The following ERMAP variants were observed in gnomAD, a reference collection of about 807,000 sequenced individuals.
ERMAP encodes the protein erythroblast membrane associated protein (Scianna blood group).
A neutral mutation model predicts 49.5 loss-of-function variants in ERMAP; 34 were observed. The observed-to-expected ratio is 0.69, with a 90% confidence interval of 0.52 to 0.91. The LOEUF (loss-of-function observed/expected upper bound fraction) is 0.91, where lower values mean the gene tolerates loss of function less well. Ranked by LOEUF, ERMAP falls within the 40% of genes least tolerant of loss-of-function variation. The pLI is 0.00. For synonymous variants in ERMAP, 214 were observed against 232.2 expected, an observed-to-expected ratio of 0.92 and a Z score of 0.71; for missense variants, 541 against 582.6, an observed-to-expected ratio of 0.93 and a Z score of 0.74.
At chr1:42,835,632 G>A in intron 5 of ERMAP, 100 bp from the exon 6 acceptor site, 4 of 1,488,270 alleles carry the variant, frequency 2.7e-6, no homozygotes, top group Non-Finnish European at 3.7e-6. Flanking sequence ...TAGTGACAAG[G>A]AGTCAGTCCT....
intron 1 of ERMAP, 145 bp downstream of exon 1, chr1:42,817,398 A>G (rs1490198810): frequency 4.9e-6 from 2 of 409,102 alleles, no homozygotes; most frequent in Non-Finnish European, 7.0e-6. Context: ...GCGTGCGCAG[A>G]GAGGATGGCT....
chr1:42,843,493 A>C lies in ERMAP; in HGVS notation c.*261A>C. The C allele has an allele frequency of 2.7e-6, 1 of 371,018 alleles. No individual in the cohort carries two copies. Among genetic ancestry groups the C allele is most frequent in the Admixed American group, 4.3e-5 (1 of 23,380 alleles). 23.0% of individuals were successfully genotyped at this position (371,018 alleles called of 1,614,324 possible). A position where few individuals can be genotyped will look rare whatever the true frequency, so the allele number is the denominator to read the frequency against. Reference sequence around the variant, plus strand: ...AGTTTAGGTGCAGGTGGAGATGTTGAATATGTGTTACCAAGATACAGCACA... The same window carrying C: ...AGTTTAGGTGCAGGTGGAGATGTTGCATATGTGTTACCAAGATACAGCACA... On this transcript the variant is annotated 3_prime_UTR_variant, in exon 12 of 12. Transcript: ENST00000372517.
At chr1:42,821,777 A>G (rs1373199022) in intron 1 of ERMAP, among the ~76,000 whole-genome samples, 2 of 152,128 alleles carry the variant, frequency 1.3e-5, no homozygotes, top group Non-Finnish European at 2.9e-5. Flanking sequence ...TTGGGAGGCC[A>G]AGGTGCGAGG....
intron 5 of ERMAP, 128 bp downstream of exon 5, chr1:42,835,282 G>A (rs1229029217): frequency 1.1e-5 from 7 of 665,926 alleles, no homozygotes; most frequent in Non-Finnish European, 1.6e-5. Flanking sequence ...AAGTTGGCTG[G>A]GAGAAAACTG....
intron 2 of ERMAP, among the ~76,000 whole-genome samples, chr1:42,829,404 C>A (rs531889822): frequency 6.6e-6 from 1 of 152,300 alleles, no homozygotes; most frequent in South Asian, 2.1e-4. Context: ...ATACAAAAGC[C>A]TCCTCTTTGG....
chr1:42,818,818 A>C (rs988370607), intron 1 of ERMAP, among the ~76,000 whole-genome samples: 1 of 152,204 alleles, frequency 6.6e-6, no homozygotes, highest in Non-Finnish European at 1.5e-5. Context: ...AATCAGAGGA[A>C]AGTACATTAA....
chr1:42,837,304 C>T (rs1265988335), intron 7 of ERMAP, 114 bp downstream of exon 7: 15 of 1,099,068 alleles, frequency 1.4e-5, no homozygotes, highest in Non-Finnish European at 2.0e-5. Flanking sequence ...TACACACATG[C>T]ACACATATAT....
chr1:42,840,417 C>T lies in ERMAP; in HGVS notation c.712+121C>T. ...TAATTTAAAAATTTTTAAATCAAATCTGTATATCTGACTATCAAATTAAAA... is the reference window on the plus strand; with the variant it reads ...TAATTTAAAAATTTTTAAATCAAATTTGTATATCTGACTATCAAATTAAAA... On this transcript the variant is annotated intron_variant, in intron 11 of 11. Transcript: ENST00000372517. 5 of 1,139,950 alleles carry T rather than the reference C, an allele frequency of 4.4e-6. No homozygotes were observed. In the South Asian group the frequency reaches 6.9e-5, roughly 16 times the overall value. 70.6% of individuals were successfully genotyped at this position (1,139,950 alleles called of 1,614,324 possible).
chr1:42,836,843 T>A (rs1308742882), intron 6 of ERMAP: 2 of 222,524 alleles, frequency 9.0e-6, no homozygotes, highest in East Asian at 9.0e-5. Context: ...GGCAGATTTT[T>A]AAAAAAAATC....
In ERMAP at chr1:42,843,239, G is replaced by A; in HGVS notation, c.*7G>A. The A allele has an allele frequency of 6.4e-7, 1 of 1,561,150 alleles. No homozygotes were observed. Among genetic ancestry groups the A allele is most frequent in the South Asian group, 1.2e-5 (1 of 81,620 alleles). Reference sequence around the variant, plus strand: ...CAAGGCTCCTTCTTTTTAGGGATATGCCACATTACCTGCTCCCATCACCAT... The same window carrying A: ...CAAGGCTCCTTCTTTTTAGGGATATACCACATTACCTGCTCCCATCACCAT... On this transcript the variant is annotated 3_prime_UTR_variant, in exon 12 of 12. Coordinates refer to ENST00000372517, the MANE Select transcript of ERMAP (RefSeq NM_001017922.2).
chr1:42,835,806 G>T, intron 6 of ERMAP, 42 bp downstream of exon 6: 1 of 1,589,144 alleles, frequency 6.3e-7, no homozygotes, highest in Non-Finnish European at 8.5e-7. Flanking sequence ...TGTTTCTTTT[G>T]TTGTTAATTT....
Position 42,819,208 on chromosome 1 carries a change from C to T in ERMAP, c.-122+1955C>T, listed in dbSNP as rs1872262. Among the ~76,000 whole-genome samples the T allele has an allele frequency of 0.02, 2,884 of 143,066 alleles. 56 individuals are homozygous for T. Among genetic ancestry groups the T allele is most frequent in the African/African-American group, 0.026 (1,049 of 39,850 alleles). The allele number at this position is 143,066 out of a possible 152,430, so 93.9% of individuals were successfully genotyped here. Reference sequence around the variant, plus strand: ...GTGTGTGTGTGTGTGTGTGTGTGTGCGCGCGCGCAAGAGAGGGACCGAGAG... The same window carrying T: ...GTGTGTGTGTGTGTGTGTGTGTGTGTGCGCGCGCAAGAGAGGGACCGAGAG... On this transcript the variant is annotated intron_variant, in intron 1 of 11. Transcript: ENST00000372517. This position sits in a 1 kb window ranked among gnomAD's most constrained non-coding sequence, Gnocchi z 5.1.
At chr1:42,818,036 C>T (rs1462633195) in intron 1 of ERMAP, among the ~76,000 whole-genome samples, 1 of 152,220 alleles carries the variant, frequency 6.6e-6, no homozygotes, top group Non-Finnish European at 1.5e-5. Context: ...CTTCTAAGTG[C>T]TGGAGCAAAT....
intron 2 of ERMAP, 86 bp from the exon 3 acceptor site, chr1:42,830,358 C>A: frequency 8.5e-7 from 1 of 1,174,092 alleles, no homozygotes; most frequent in Non-Finnish European, 1.3e-6. Flanking sequence ...ACCAGCAATA[C>A]CGTCTCGGCC....
intron 4 of ERMAP, among the ~76,000 whole-genome samples, chr1:42,831,575 C>G (rs867583434): frequency 1.2e-4 from 10 of 83,978 alleles, no homozygotes; most frequent in South Asian, 9.1e-4. Context: ...TTTTTTTTCT[C>G]TTTTTTTTTT....
At position 42,830,929 on chromosome 1, in the gene ERMAP, G is replaced by A. The variant is rs749786187; in HGVS notation, c.247G>A (p.Gly83Arg). The A allele has an allele frequency of 4.3e-6, 7 of 1,614,200 alleles. No homozygotes were observed. The African/African-American group carries it at 6.7e-5, about 15-fold the overall frequency. Residue 83 changes from glycine to arginine, a missense_variant, in exon 4 of 12, where the codon GGG becomes AGG. By Grantham distance (125) the Gly-to-Arg change is moderately radical. Transcript: ENST00000372517. ...CCAGGCTGTTCACATATTCCGGGAT[G>A]GGAAGGACCAGGATGAAGATCTGAT... is the stretch of plus-strand genomic sequence containing the variant. Reference protein sequence around the residue: ...RSQAVHIFRDGKDQDEDLMPE... With the variant: ...RSQAVHIFRDRKDQDEDLMPE...
At chr1:42,830,731 G>A (rs528557088) in intron 3 of ERMAP, 37 bp from the exon 4 acceptor site, 47 of 1,489,570 alleles carry the variant, frequency 3.2e-5, no homozygotes, top group Admixed American at 6.5e-5. Context: ...TTCTCCTGCC[G>A]TCCCTCCCAG....
chr1:42,825,551 C>G (rs1182507904), intron 1 of ERMAP, 72 bp from the exon 2 acceptor site: 2 of 1,220,152 alleles, frequency 1.6e-6, no homozygotes, highest in African/African-American at 3.2e-5. Flanking sequence ...GAAGGGAGTT[C>G]TGTGGGGGCA....
intron 4 of ERMAP, among the ~76,000 whole-genome samples, chr1:42,831,841 T>C (rs1654750747): frequency 6.6e-6 from 1 of 152,026 alleles, no homozygotes. Flanking sequence ...CCTCCCAAAG[T>C]ATTGGCATTA....
Sources: gnomAD v4.1 joint callset for allele counts (sites outside exome capture counted in the v4.1 genomes callset) on GRCh38, gnomAD v4.1.1 for gene constraint, Gnocchi (gnomAD v3.1) non-coding constraint, MANE v1.5 for transcripts, NCBI Gene and HGNC (gene_info 2026-07-23, HGNC 2026-07-21) for gene names.